FBXL17: variants seen among roughly 807,000 people sequenced by gnomAD.
FBXL17 encodes the protein F-box/LRR-repeat protein 17.
FBXL17 carries 22 observed loss-of-function variants against 66.2 expected under a neutral mutation model. The observed-to-expected ratio is 0.33, with a 90% CI of 0.24 to 0.47. FBXL17 has a LOEUF of 0.47. Ranked by LOEUF, FBXL17 falls within the 20% of genes least tolerant of loss-of-function variation. The pLI, the probability that FBXL17 is intolerant of heterozygous loss-of-function variation, is 1.00. For missense variants in FBXL17, 878 were observed against 948.2 expected (o/e 0.93, Z 0.97); for synonymous variants, 474 against 400.5 (o/e 1.18, Z -2.19).
At chr5:107,982,111 A>T (rs990676035) in intron 7 of FBXL17, among the ~76,000 whole-genome samples, 6 of 152,204 alleles carry the variant, frequency 3.9e-5, no homozygotes, top group Admixed American at 1.3e-4. Context: ...AAGGTTAAAA[A>T]AGAGGCAAAG....
chr5:108,294,875 A>AAT (rs1758281642), intron 4 of FBXL17, among the ~76,000 whole-genome samples: 1 of 152,140 alleles, frequency 6.6e-6, no homozygotes, highest in African/African-American at 2.4e-5. Flanking sequence ...TTGTTCTTTA[A>AAT]AGCCATCTAC....
intron 7 of FBXL17, among the ~76,000 whole-genome samples, chr5:107,968,953 A>G (rs1354455219): frequency 6.6e-6 from 1 of 152,142 alleles, no homozygotes; most frequent in Non-Finnish European, 1.5e-5. Context: ...AAAACCCAAG[A>G]AAGAAAGAAC....
At chr5:108,154,864 C>A (rs1015243667) in intron 6 of FBXL17, among the ~76,000 whole-genome samples, 2 of 151,628 alleles carry the variant, frequency 1.3e-5, no homozygotes, top group Non-Finnish European at 2.9e-5. Context: ...TCCTTACAGA[C>A]TGCTCTGAAA....
intron 3 of FBXL17, among the ~76,000 whole-genome samples, chr5:108,364,124 T>G (rs1748511547): frequency 6.6e-6 from 1 of 152,040 alleles, no homozygotes. Context: ...TTTCTTTTCA[T>G]ACCAAGCTTT....
chr5:107,938,048 A>G (rs908070702), intron 7 of FBXL17, among the ~76,000 whole-genome samples: 6 of 152,186 alleles, frequency 3.9e-5, no homozygotes, highest in Admixed American at 3.3e-4. Context: ...AAATAACAGT[A>G]AACACTGAGA....
At chr5:108,286,475 G>A (rs544624954) in intron 4 of FBXL17, among the ~76,000 whole-genome samples, 3 of 151,700 alleles carry the variant, frequency 2.0e-5, no homozygotes, top group Admixed American at 6.6e-5. Flanking sequence ...ACAAAAATCA[G>A]TATCATTCCT....
chr5:107,878,281 C>A, intron 8 of FBXL17: 1 of 941,746 alleles, frequency 1.1e-6, no homozygotes, highest in Middle Eastern at 5.5e-4. Flanking sequence ...GGATAGTAGG[C>A]AATATAATTT....
At chr5:108,207,537 T>C (rs1754174747) in intron 5 of FBXL17, among the ~76,000 whole-genome samples, 1 of 152,134 alleles carries the variant, frequency 6.6e-6, no homozygotes, top group Non-Finnish European at 1.5e-5. Flanking sequence ...TGTCCATGTG[T>C]TCTCATTGTT....
chr5:107,942,621 A>C lies in FBXL17; in HGVS notation c.1823-61442T>G, dbSNP rs138559233. Among the ~76,000 whole-genome samples, 15 of 152,140 alleles carry C rather than the reference A, an allele frequency of 9.9e-5. 1 individual carries two copies. The East Asian group carries it at 2.9e-3, about 29-fold the overall frequency. Reference sequence around the variant, plus strand: ...CAATCCCTTTACCCATCTTCCCCTTATATGCAGCCAACCTCTTCACCTGTG... The same window carrying C: ...CAATCCCTTTACCCATCTTCCCCTTCTATGCAGCCAACCTCTTCACCTGTG... On this transcript the variant is annotated intron_variant, in intron 7 of 8. Coordinates refer to ENST00000542267, the MANE Select transcript of FBXL17 (RefSeq NM_001163315.3).
At chr5:107,911,851 A>C (rs1334715459) in intron 7 of FBXL17, among the ~76,000 whole-genome samples, 1 of 152,176 alleles carries the variant, frequency 6.6e-6, no homozygotes, top group Non-Finnish European at 1.5e-5. Flanking sequence ...CTACAAAAAT[A>C]GAAACATGGG....
At chr5:108,375,556 A>C (rs890455293) in intron 1 of FBXL17, among the ~76,000 whole-genome samples, 4 of 152,228 alleles carry the variant, frequency 2.6e-5, no homozygotes, top group Non-Finnish European at 5.9e-5. Flanking sequence ...TTCCTAGAAT[A>C]TAAACTATAA....
chr5:108,353,921 C>T (rs141016182), intron 3 of FBXL17, among the ~76,000 whole-genome samples: 1 of 152,296 alleles, frequency 6.6e-6, no homozygotes, highest in African/African-American at 2.4e-5. Context: ...GTATAGGTTG[C>T]GTATCCCTTA....
At chr5:108,291,060 T>C (rs1239847325) in intron 4 of FBXL17, among the ~76,000 whole-genome samples, 5 of 152,144 alleles carry the variant, frequency 3.3e-5, no homozygotes, top group South Asian at 2.1e-4. Context: ...GGAAAGAACA[T>C]AGCATCCAAA....
chr5:107,861,882 C>G, intron 8 of FBXL17, 22 bp from the exon 9 acceptor site: 2 of 1,485,150 alleles, frequency 1.3e-6, no homozygotes, highest in Non-Finnish European at 1.8e-6. Flanking sequence ...GAAGAGTCAC[C>G]ATCACGCACA....
Position 108,381,869 on chromosome 5 carries a change from C to A in FBXL17, c.-178G>T. ...GTGGGGGGTGGGCGTCAGCTGCGGG[C>A]CGCCGGAGTGCCCGACGGGGGCTAC... On this transcript the variant is annotated 5_prime_UTR_variant, in exon 1 of 9. Coordinates refer to ENST00000542267, the MANE Select transcript of FBXL17 (RefSeq NM_001163315.3). 1 of 1,292,264 alleles carries A rather than the reference C, an allele frequency of 7.7e-7. No homozygotes were observed. Among genetic ancestry groups the A allele is most frequent in the Middle Eastern group, 3.0e-4 (1 of 3,378 alleles). The allele number at this position is 1,292,264 out of a possible 1,614,324, so 80.0% of individuals were successfully genotyped here.
At chr5:108,319,486 A>C (rs566405689) in intron 4 of FBXL17, among the ~76,000 whole-genome samples, 155 of 151,922 alleles carry the variant, frequency 1.0e-3, no homozygotes, top group African/African-American at 3.4e-3. Flanking sequence ...ATTTTTCAAC[A>C]GAATTTACTT....
chr5:108,028,210 A>G (rs529561445), intron 6 of FBXL17, among the ~76,000 whole-genome samples: 1 of 152,290 alleles, frequency 6.6e-6, no homozygotes, highest in Non-Finnish European at 1.5e-5. Context: ...AAATTCTGCA[A>G]CTCGAAACTG....
At chr5:108,043,824 T>C (rs1016412029) in intron 6 of FBXL17, among the ~76,000 whole-genome samples, 10 of 152,330 alleles carry the variant, frequency 6.6e-5, no homozygotes, top group African/African-American at 2.2e-4. Context: ...GTCTCCTATG[T>C]GGCTTCCAAT....
At chr5:108,366,233 C>G (rs1025221582) in intron 2 of FBXL17, among the ~76,000 whole-genome samples, 3 of 152,016 alleles carry the variant, frequency 2.0e-5, no homozygotes, top group Admixed American at 2.0e-4. Context: ...TGGTGAAAAA[C>G]TCAGATGGCC....
Sources: allele counts gnomAD v4.1 joint callset (sites outside exome capture counted in the v4.1 genomes callset), GRCh38; gene constraint gnomAD v4.1.1; transcripts MANE v1.5; gene names NCBI Gene and HGNC (gene_info 2026-07-23, HGNC 2026-07-21).